Variants in INO80 observed in about 807,000 individuals in gnomAD.
INO80 encodes chromatin-remodeling ATPase INO80.
A neutral mutation model predicts 203.4 loss-of-function variants in INO80; 20 were observed. The ratio of observed to expected loss-of-function variants is 0.10; its 90% confidence interval spans 0.07 to 0.14. The LOEUF (loss-of-function observed/expected upper bound fraction) is 0.14. Among genes scored for constraint, INO80 ranks in the 10% least tolerant of loss-of-function variants. The probability of loss-of-function intolerance (pLI) is 1.00; values close to 1 mark genes in which losing one functional copy is unlikely to be tolerated. For synonymous variants in INO80, 726 were observed against 685.2 expected (o/e 1.06, Z -0.93); for missense variants, 1,419 against 1,914.4 (o/e 0.74, Z 4.83).
At chr15:41,027,547 A>C in intron 25 of INO80, 49 bp downstream of exon 25, 3 of 1,500,278 alleles carry the variant, frequency 2.0e-6, no homozygotes, top group African/African-American at 1.4e-5. Flanking sequence ...AAATTGGTTT[A>C]TTTCTCCTAT....
intron 27 of INO80, among the ~76,000 whole-genome samples, chr15:41,010,780 G>A (rs1326387463): frequency 6.6e-6 from 1 of 152,102 alleles, no homozygotes; most frequent in Non-Finnish European, 1.5e-5. Flanking sequence ...CTATTCCAAA[G>A]CTGGCTCTGA....
At chr15:40,996,036 T>TGA (rs35496221) in intron 29 of INO80, among the ~76,000 whole-genome samples, 3,959 of 150,030 alleles carry the variant, frequency 0.026, 87 homozygotes, top group African/African-American at 0.055. Context: ...ATCAGATTAG[T>TGA]GAGAGAGAGA....
intron 28 of INO80, among the ~76,000 whole-genome samples, chr15:41,002,580 G>C (rs2043973084): frequency 6.6e-6 from 1 of 152,144 alleles, no homozygotes; most frequent in African/African-American, 2.4e-5. Context: ...TACAGCTCTG[G>C]TTGGGGTCTA....
chr15:41,036,349 A>C (rs1351597856), intron 24 of INO80, among the ~76,000 whole-genome samples: 1 of 151,890 alleles, frequency 6.6e-6, no homozygotes, highest in Non-Finnish European at 1.5e-5. Flanking sequence ...AGCAACCTCT[A>C]TTGCAAGTTT....
chr15:41,022,862 A>T (rs2044314841), intron 25 of INO80, among the ~76,000 whole-genome samples: 1 of 152,070 alleles, frequency 6.6e-6, no homozygotes, highest in African/African-American at 2.4e-5. Flanking sequence ...AGCACTTTGG[A>T]AGGCTGAGGT....
At chr15:41,057,919 TTAA>T (rs201612613) in intron 16 of INO80, among the ~76,000 whole-genome samples, 2,103 of 151,592 alleles carry the variant, frequency 0.014, 20 homozygotes, top group Non-Finnish European at 0.021. Context: ...TCACCATGAG[TTAA>T]TAAAAAAAAT....
chr15:41,044,807 C>T, intron 24 of INO80, 97 bp downstream of exon 24: 1 of 1,264,830 alleles, frequency 7.9e-7, no homozygotes, highest in Non-Finnish European at 1.1e-6. Flanking sequence ...CTTTTTGGTT[C>T]TCTCAGGCCT....
chr15:40,988,337 G>A (rs2043769346), intron 29 of INO80, among the ~76,000 whole-genome samples: 1 of 151,864 alleles, frequency 6.6e-6, no homozygotes, highest in South Asian at 2.1e-4. Flanking sequence ...TTTGTGCTGA[G>A]AAAAAAAATC....
chr15:41,103,977 A>G (rs1054261436), intron 1 of INO80, among the ~76,000 whole-genome samples: 9 of 151,912 alleles, frequency 5.9e-5, no homozygotes, highest in Non-Finnish European at 1.3e-4. Context: ...GCACCTTGGG[A>G]GGCCAAGGAA....
intron 28 of INO80, chr15:41,005,392 G>T (rs749634269): frequency 1.0e-5 from 5 of 495,506 alleles, no homozygotes; most frequent in Non-Finnish European, 1.8e-5. Context: ...AAACTATCAG[G>T]TATATTCTCT....
chr15:41,087,537 G>T, intron 6 of INO80, 25 bp downstream of exon 6: 1 of 1,612,066 alleles, frequency 6.2e-7, no homozygotes, highest in Middle Eastern at 1.7e-4. Flanking sequence ...ATGAATATAC[G>T]TGGAAGGCAG....
chr15:41,094,715 A>G (rs1376592331), intron 4 of INO80, among the ~76,000 whole-genome samples: 2 of 152,204 alleles, frequency 1.3e-5, no homozygotes, highest in East Asian at 3.8e-4. Context: ...TTCATCTGAT[A>G]AATTTTTGTA....
At chr15:41,017,628 C>A (rs2044229980) in intron 26 of INO80, 1 of 152,196 alleles carries the variant, frequency 6.6e-6, no homozygotes, top group South Asian at 2.1e-4. Context: ...GATGTGCTGA[C>A]AGCACCATAA....
At chr15:41,103,396 T>A (rs1014010171) in intron 1 of INO80, among the ~76,000 whole-genome samples, 13 of 152,170 alleles carry the variant, frequency 8.5e-5, no homozygotes, top group African/African-American at 2.4e-4. Flanking sequence ...CGTTCTTGTT[T>A]TATATTTTTT....
At chr15:41,054,548 GGTCCT>G (rs1171266332) in intron 18 of INO80, among the ~76,000 whole-genome samples, 1 of 152,028 alleles carries the variant, frequency 6.6e-6, no homozygotes, top group African/African-American at 2.4e-5. Context: ...TAACAAAAAT[GGTCCT>G]TCTAATATTT....
chr15:41,112,705 T>C (rs944489343), intron 1 of INO80, among the ~76,000 whole-genome samples: 1 of 147,194 alleles, frequency 6.8e-6, no homozygotes, highest in Non-Finnish European at 1.5e-5. Context: ...GGAGAATTTC[T>C]TGAACCCGGG....
chr15:41,095,447 T>C (rs977110619), intron 4 of INO80, among the ~76,000 whole-genome samples, 154 bp downstream of exon 4: 1 of 152,176 alleles, frequency 6.6e-6, no homozygotes, highest in Non-Finnish European at 1.5e-5. Context: ...TCCTCCAGAT[T>C]TTCTCAATAA....
Position 41,056,657 on chromosome 15 carries a change from G to C in INO80, c.2035C>G (p.Leu679Val). 6.2e-7 allele frequency: 1 copy of C among 1,614,062 alleles called. No individual in the cohort carries two copies. The highest frequency in any genetic ancestry group is 8.5e-7 in the Non-Finnish European group (1 of 1,179,938). Residue 679 changes from leucine (L) to valine (V), a missense_variant, in exon 17 of 36, where the codon CTA (leucine) becomes GTA (valine). Transcript: ENST00000648947. ...GTGTTCTGAATTGGGGTCCCGGTTAGCAAAAGCCGATTCCGACACTGGAAC... is the reference window on the plus strand; with the variant it reads ...GTGTTCTGAATTGGGGTCCCGGTTACCAAAAGCCGATTCCGACACTGGAAC... ...LQFQCRNRLL[L>V]TGTPIQNTMA...
At chr15:41,001,445 C>T (rs1350896246) in intron 28 of INO80, among the ~76,000 whole-genome samples, 1 of 152,132 alleles carries the variant, frequency 6.6e-6, no homozygotes, top group African/African-American at 2.4e-5. Flanking sequence ...TGAAAAACAA[C>T]CACAATGAAA....
Sources: gnomAD v4.1 joint callset for allele counts (sites outside exome capture counted in the v4.1 genomes callset) on GRCh38, gnomAD v4.1.1 for gene constraint, MANE v1.5 for transcripts, NCBI Gene and HGNC (gene_info 2026-07-23, HGNC 2026-07-21) for gene names.